Variants in R3HDM2 observed in about 807,000 individuals in gnomAD.
The protein encoded by R3HDM2 is R3H domain-containing protein 2.
R3HDM2 carries 38 observed loss-of-function variants against 124.5 expected under a neutral mutation model. The observed-to-expected ratio is 0.31, with a 90% CI of 0.24 to 0.40. The LOEUF (loss-of-function observed/expected upper bound fraction) is 0.40. R3HDM2 is among the 10% of genes least tolerant of loss of function. R3HDM2 has a pLI of 1.00. For synonymous variants in R3HDM2, 391 were observed against 448.0 expected (o/e 0.87, Z 1.61); for missense variants, 869 against 1,236.9 (o/e 0.70, Z 4.46).
At chr12:57,261,816 T>TG (rs1431991000) in intron 19 of R3HDM2, among the ~76,000 whole-genome samples, 1 of 146,046 alleles carries the variant, frequency 6.8e-6, no homozygotes, top group Non-Finnish European at 1.5e-5. Flanking sequence ...ATAATCAGGT[T>TG]GGGGGAAGGA....
chr12:57,320,392 G>C (rs969233458), intron 2 of R3HDM2, among the ~76,000 whole-genome samples: 2 of 151,642 alleles, frequency 1.3e-5, no homozygotes, highest in Non-Finnish European at 2.9e-5. Context: ...GGGTTTGGGA[G>C]GTTTTTGATG....
At chr12:57,404,809 G>C (rs1566496958) in intron 1 of R3HDM2, among the ~76,000 whole-genome samples, 1 of 152,010 alleles carries the variant, frequency 6.6e-6, no homozygotes, top group Non-Finnish European at 1.5e-5. Flanking sequence ...CTTGAACGCA[G>C]GAGTTCAATA....
At chr12:57,401,908 C>T (rs775233528) in intron 1 of R3HDM2, among the ~76,000 whole-genome samples, 1 of 151,896 alleles carries the variant, frequency 6.6e-6, no homozygotes, top group Non-Finnish European at 1.5e-5. Flanking sequence ...CACTTAGACC[C>T]GGGAGGTGGA....
chr12:57,399,746 C>T (rs2067880972), intron 1 of R3HDM2, among the ~76,000 whole-genome samples: 1 of 152,190 alleles, frequency 6.6e-6, no homozygotes, highest in South Asian at 2.1e-4. Flanking sequence ...CCACATGCCA[C>T]TTCTAATGGT....
intron 23 of R3HDM2, 80 bp from the exon 24 acceptor site, chr12:57,255,193 C>G (rs867626693): frequency 8.4e-7 from 1 of 1,193,854 alleles, no homozygotes; most frequent in Middle Eastern, 2.0e-4. Context: ...AGAGAAGTGT[C>G]CAGCTGACTA....
At chr12:57,425,610 G>A (rs1398277859) in intron 1 of R3HDM2, among the ~76,000 whole-genome samples, 1 of 151,956 alleles carries the variant, frequency 6.6e-6, no homozygotes, top group African/African-American at 2.4e-5. Flanking sequence ...GACCAGCCTG[G>A]CCAACATGGT....
intron 1 of R3HDM2, among the ~76,000 whole-genome samples, chr12:57,396,571 G>A (rs979766958): frequency 1.3e-5 from 2 of 152,118 alleles, no homozygotes; most frequent in Admixed American, 6.5e-5. Flanking sequence ...GAGGTCAGGA[G>A]TTCAAGACCA....
chr12:57,388,976 A>C (rs1474558064), intron 2 of R3HDM2, among the ~76,000 whole-genome samples: 3 of 152,204 alleles, frequency 2.0e-5, no homozygotes, highest in Non-Finnish European at 1.5e-5. Context: ...TCTGATTTTC[A>C]CCAAATATTT....
intron 2 of R3HDM2, among the ~76,000 whole-genome samples, chr12:57,392,824 T>G (rs1348448193): frequency 2.1e-5 from 3 of 141,912 alleles, no homozygotes; most frequent in East Asian, 2.0e-4. Flanking sequence ...TTTTTTTTTT[T>G]GCTAGAGTCT....
chr12:57,280,482 T>C lies in R3HDM2; in HGVS notation c.1220A>G (p.Gln407Arg). The C allele has an allele frequency of 6.2e-7, 1 of 1,613,792 alleles. No individual in the cohort carries two copies. Among genetic ancestry groups the C allele is most frequent in the South Asian group, 1.1e-5 (1 of 91,040 alleles). Residue 407 changes from glutamine (Q) to arginine (R), a missense_variant, in exon 14 of 24, where the codon CAG (glutamine) becomes CGG (arginine). Transcript: ENST00000402412. Reference protein sequence around the residue: ...PEVCNQVTSSQSVRGLLPCTA... With the variant: ...PEVCNQVTSSRSVRGLLPCTA... The stretch of plus-strand genomic sequence containing the variant: ...ACAAGGGAGAAGCCCCCGGACAGAC[T>C]GGGATGAGGTGACCTGGTTGCACAC...
chr12:57,398,580 C>T (rs538533534), intron 1 of R3HDM2, among the ~76,000 whole-genome samples: 153 of 152,092 alleles, frequency 1.0e-3, no homozygotes, highest in African/African-American at 3.1e-3. Context: ...CCTCCACCTC[C>T]TGGGTTCAAG....
intron 1 of R3HDM2, among the ~76,000 whole-genome samples, chr12:57,397,910 A>G (rs1475114088): frequency 2.0e-5 from 3 of 152,328 alleles, no homozygotes; most frequent in Non-Finnish European, 2.9e-5. Context: ...TGGGCCGGGC[A>G]CAGTGGCTCA....
rs771832764 is a variant in R3HDM2, at chr12:57,296,452, A to C, written c.660T>G (p.Thr220=). The change falls in exon 9 of 24, where the codon ACT becomes ACG. Residue 220 remains threonine (T), a synonymous_variant. Coordinates refer to ENST00000402412, the MANE Select transcript of R3HDM2 (RefSeq NM_001394031.1). This position sits in a 1 kb window ranked among gnomAD's most constrained non-coding sequence, Gnocchi z 4.5. ...YFGMDHNVDQ[T]GKAVIINKTS... ...TTTTGTTGATGATGACAGCTTTCCCAGTTTGATCAACATTGTGGTCCATCC... is the reference window on the plus strand; with the variant it reads ...TTTTGTTGATGATGACAGCTTTCCCCGTTTGATCAACATTGTGGTCCATCC... The C allele has an allele frequency of 1.9e-5, 29 of 1,552,170 alleles. No homozygotes were observed. Among genetic ancestry groups the C allele is most frequent in the Non-Finnish European group, 2.5e-5 (29 of 1,147,132 alleles).
chr12:57,413,448 A>G (rs1208045619), intron 1 of R3HDM2, among the ~76,000 whole-genome samples: 1 of 151,070 alleles, frequency 6.6e-6, no homozygotes, highest in Admixed American at 6.6e-5. Flanking sequence ...AAAAAAAAAA[A>G]AAGCAGGCTG....
intron 1 of R3HDM2, among the ~76,000 whole-genome samples, chr12:57,405,947 G>A (rs940911000): frequency 2.6e-5 from 4 of 152,066 alleles, no homozygotes; most frequent in Non-Finnish European, 5.9e-5. Context: ...AGACTAACAG[G>A]ATCACATCCA....
chr12:57,278,438 G>A (rs183413203), intron 14 of R3HDM2, among the ~76,000 whole-genome samples: 110 of 152,194 alleles, frequency 7.2e-4, no homozygotes, highest in African/African-American at 2.5e-3. Flanking sequence ...GATGCAGGCA[G>A]ATGGGAGACT....
intron 13 of R3HDM2, among the ~76,000 whole-genome samples, chr12:57,281,108 G>A (rs555778308): frequency 6.6e-6 from 1 of 152,036 alleles, no homozygotes; most frequent in South Asian, 2.1e-4. Context: ...CCAACATAGT[G>A]AAACTCCGTC....
chr12:57,288,868 C>A, intron 12 of R3HDM2, 141 bp downstream of exon 12: 1 of 1,550,790 alleles, frequency 6.4e-7, no homozygotes, highest in Non-Finnish European at 8.7e-7. Flanking sequence ...TAAAAATCTG[C>A]CTTCTCTTGT....
chr12:57,376,335 TC>T (rs1337113014), intron 2 of R3HDM2, among the ~76,000 whole-genome samples: 1 of 152,218 alleles, frequency 6.6e-6, no homozygotes, highest in Admixed American at 6.5e-5. Context: ...ACTTTGTCCT[TC>T]CATGGACAAT....
Sources: gnomAD v4.1 joint callset for allele counts (sites outside exome capture counted in the v4.1 genomes callset) on GRCh38, gnomAD v4.1.1 for gene constraint, Gnocchi (gnomAD v3.1) non-coding constraint, MANE v1.5 for transcripts, NCBI Gene and HGNC (gene_info 2026-07-23, HGNC 2026-07-21) for gene names.